LRP1: variants seen among roughly 807,000 people sequenced by gnomAD.
LRP1 encodes the protein LDL receptor related protein 1.
In LRP1, 51 loss-of-function variants were observed where a neutral mutation model predicts 541.5. That is an observed-to-expected ratio of 0.09 (90% CI 0.08 to 0.12). The LOEUF (loss-of-function observed/expected upper bound fraction) is 0.12. Ranked by LOEUF, LRP1 falls within the 10% of genes least tolerant of loss-of-function variation. The pLI, the probability that LRP1 is intolerant of heterozygous loss-of-function variation, is 1.00. For synonymous variants in LRP1, 2,219 were observed against 2,470.8 expected, an observed-to-expected ratio of 0.90 and a Z score of 3.02; for missense variants, 3,878 against 6,376.2, an observed-to-expected ratio of 0.61 and a Z score of 13.34.
intron 41 of LRP1, among the ~76,000 whole-genome samples, chr12:57,187,064 ATT>A (rs1300760693): frequency 6.6e-6 from 1 of 152,134 alleles, no homozygotes; most frequent in Non-Finnish European, 1.5e-5. Flanking sequence ...ACCACAGGTC[ATT>A]TGAGTGAGGA....
At chr12:57,164,148 C>T (rs532227674) in intron 15 of LRP1, among the ~76,000 whole-genome samples, 3 of 152,206 alleles carry the variant, frequency 2.0e-5, no homozygotes, top group Admixed American at 6.5e-5. Context: ...TCCAGCCTGG[C>T]GACAGAGCAA....
rs754487074 is a variant in LRP1, at chr12:57,200,505, G to A, written c.10078G>A (p.Gly3360Arg). 1.2e-5 allele frequency: 19 copies of A among 1,613,560 alleles called. No homozygotes were observed. The highest frequency in any genetic ancestry group is 1.6e-4 in the Middle Eastern group (1 of 6,080). Residue 3360 changes from glycine (G) to arginine (R), a missense_variant, in exon 63 of 89, where the codon GGG (glycine) becomes AGG (arginine). Physicochemically the swap from Gly to Arg is moderately radical, Grantham distance 125. Around this residue, in one of 13 missense-constraint regions of LRP1, gnomAD observed 278 missense variants for 536.3 expected, o/e 0.52. Coordinates refer to ENST00000243077, the MANE Select transcript of LRP1 (RefSeq NM_002332.3). ...WWKCDTEDDC[G>R]DHSDEPPDCP... ...GAAGTGTGACACCGAGGACGACTGC[G>A]GGGACCACTCAGACGAGCCCCCGGA...
Position 57,184,591 on chromosome 12 carries a change from T to G in LRP1, c.6186+139T>G. 7.8e-7 allele frequency: 1 copy of G among 1,286,796 alleles called. No homozygotes were observed. The highest frequency in any genetic ancestry group is 1.1e-6 in the Non-Finnish European group (1 of 940,882). 79.7% of individuals were successfully genotyped at this position (1,286,796 alleles called of 1,614,324 possible). On this transcript the variant is annotated intron_variant, in intron 38 of 88. Transcript: ENST00000243077. This position sits in a 1 kb window ranked among gnomAD's most constrained non-coding sequence, Gnocchi z 7.8. ...TCCCAGCCCAGCCCTCCACCCAGAGTAGGACTCCTGCTACCACAGAGATGA... is the reference window on the plus strand; with the variant it reads ...TCCCAGCCCAGCCCTCCACCCAGAGGAGGACTCCTGCTACCACAGAGATGA...
chr12:57,169,941 A>G (rs2035913644), intron 20 of LRP1, among the ~76,000 whole-genome samples: 2 of 152,230 alleles, frequency 1.3e-5, no homozygotes, highest in Admixed American at 1.3e-4. Flanking sequence ...GAAAACTACC[A>G]AATTTTTAAC....
intron 6 of LRP1, chr12:57,149,582 T>G (rs2035485820): frequency 1.4e-6 from 1 of 699,470 alleles, no homozygotes; most frequent in African/African-American, 1.7e-5. Flanking sequence ...CTGAGTGGAA[T>G]CCAGGCATCA....
intron 50 of LRP1, 109 bp from the exon 51 acceptor site, chr12:57,194,876 C>A: frequency 8.5e-7 from 1 of 1,176,194 alleles, no homozygotes. Context: ...CTGAGCCCCC[C>A]CACAGAGGGG....
At chr12:57,193,127 TG>T in intron 45 of LRP1, 48 bp from the exon 46 acceptor site, 1 of 1,605,944 alleles carries the variant, frequency 6.2e-7, no homozygotes, top group Non-Finnish European at 8.5e-7. Context: ...GCGTGGGCAC[TG>T]GGGCCCACAG....
chr12:57,173,367 G>T lies in LRP1; in HGVS notation c.3346+17G>T, dbSNP rs769545408. On this transcript the variant is annotated intron_variant, in intron 21 of 88. Coordinates refer to ENST00000243077, the MANE Select transcript of LRP1 (RefSeq NM_002332.3). This position sits in a 1 kb window ranked among gnomAD's most constrained non-coding sequence, Gnocchi z 4.7. ...AGGACTCAGGTGAAGAGGATGGTTG[G>T]AGGGCGTCTGGAACAGCACAATGTG... The T allele has an allele frequency of 6.2e-7, 1 of 1,609,598 alleles. No homozygotes were observed. Among genetic ancestry groups the T allele is most frequent in the East Asian group, 2.2e-5 (1 of 44,806 alleles).
In LRP1 at chr12:57,156,708, C is replaced by T; in HGVS notation, c.1418-69C>T. 1 of 1,503,138 alleles carries T rather than the reference C, an allele frequency of 6.7e-7. No individual in the cohort carries two copies. Among genetic ancestry groups the T allele is most frequent in the Non-Finnish European group, 9.0e-7 (1 of 1,110,558 alleles). The allele number at this position is 1,503,138 out of a possible 1,614,324, so 93.1% of individuals were successfully genotyped here. The stretch of plus-strand genomic sequence containing the variant: ...CAGCAGCAGGGGGTGTGGTCAGATT[C>T]AGGAAGCCTTCTCAAGGCCTGGCAC... On this transcript the variant is annotated intron_variant, in intron 9 of 88. Transcript: ENST00000243077. This position sits in a 1 kb window ranked among gnomAD's most constrained non-coding sequence, Gnocchi z 5.2.
intron 17 of LRP1, 26 bp downstream of exon 17, chr12:57,166,235 G>C (rs372189527): frequency 6.3e-7 from 1 of 1,576,146 alleles, no homozygotes; most frequent in Non-Finnish European, 8.6e-7. Context: ...CAGATCACAC[G>C]AGGCACCCCT....
intron 1 of LRP1, among the ~76,000 whole-genome samples, chr12:57,134,513 G>C (rs181842801): frequency 2.4e-4 from 37 of 152,226 alleles, no homozygotes; most frequent in African/African-American, 8.7e-4. Context: ...ATGCAATGGC[G>C]TGATCTCTGC....
At chr12:57,135,383 G>A (rs1592598786) in intron 1 of LRP1, among the ~76,000 whole-genome samples, 1 of 152,186 alleles carries the variant, frequency 6.6e-6, no homozygotes, top group Non-Finnish European at 1.5e-5. Flanking sequence ...AGGGGAGTGG[G>A]GTTGGCTTTC....
rs55951340 is a variant in LRP1 at position 57,138,669 on chromosome 12, C to T, written c.190+88C>T. 3.3e-3 allele frequency: 5,059 copies of T among 1,547,110 alleles called. 13 individuals carry two copies. Among genetic ancestry groups the T allele is most frequent in the Middle Eastern group, 5.0e-3 (27 of 5,390 alleles). On this transcript the variant is annotated intron_variant, in intron 2 of 88. Transcript: ENST00000243077. The stretch of plus-strand genomic sequence containing the variant: ...TGTTTGGGAGGAGGACAGCTGATCC[C>T]TAGCCTGATGTGGACCTTGCTCAGT...
rs2036450889 is a variant in LRP1 at position 57,193,068 on chromosome 12, C to G, written c.7555+98C>G. On this transcript the variant is annotated intron_variant, in intron 45 of 88. Coordinates refer to ENST00000243077, the MANE Select transcript of LRP1 (RefSeq NM_002332.3). ...ATGCTCCAGCCCAGCCCCCCAAAGC[C>G]TTTTGCCAAGAAGACGCTGATGATG... 63 of 1,587,222 alleles carry G rather than the reference C, an allele frequency of 4.0e-5. No homozygotes were observed. In the South Asian group the frequency reaches 7.1e-4, roughly 18 times the overall value.
rs758323310 is a variant in LRP1, at chr12:57,211,447, T to C, written c.13092-40T>C. 2.5e-6 allele frequency: 4 copies of C among 1,610,398 alleles called. No homozygotes were observed. The Admixed American group carries it at 6.7e-5, about 27-fold the overall frequency. ...CCTTCCTCAGCATCCCAGGCACGCCTCTGCCAGCCCCAGCCCCAGCCTCTG... is the reference window on the plus strand; with the variant it reads ...CCTTCCTCAGCATCCCAGGCACGCCCCTGCCAGCCCCAGCCCCAGCCTCTG... On this transcript the variant is annotated intron_variant, in intron 84 of 88. Coordinates refer to ENST00000243077, the MANE Select transcript of LRP1 (RefSeq NM_002332.3). This position sits in a 1 kb window ranked among gnomAD's most constrained non-coding sequence, Gnocchi z 4.3.
rs2036792865 is a variant in LRP1 at position 57,206,951 on chromosome 12, C to T, written c.11859+210C>T. 6.6e-6 allele frequency among the ~76,000 whole-genome samples: 1 copy of T among 152,122 alleles called. No individual in the cohort carries two copies. Among genetic ancestry groups the T allele is most frequent in the Non-Finnish European group, 1.5e-5 (1 of 68,024 alleles). ...TGAAACCCTGTCTCTACTAAAAATA[C>T]AAAAATTTGGCTGAGCGCGGTGGCT... On this transcript the variant is annotated intron_variant, in intron 76 of 88. Transcript: ENST00000243077. The surrounding 1 kb of genome is among the most constrained non-coding windows in gnomAD (Gnocchi z 4.7).
intron 1 of LRP1, among the ~76,000 whole-genome samples, chr12:57,132,629 G>C (rs1446590822): frequency 6.6e-6 from 1 of 151,920 alleles, no homozygotes; most frequent in Non-Finnish European, 1.5e-5. Context: ...CTGTCTTTCT[G>C]TCTGTCTGTC....
At chr12:57,176,732 C>T (rs2036054657) in intron 24 of LRP1, among the ~76,000 whole-genome samples, 1 of 152,138 alleles carries the variant, frequency 6.6e-6, no homozygotes, top group South Asian at 2.1e-4. Flanking sequence ...GTCTCTAAAA[C>T]AATGAGGCAC....
In LRP1 at chr12:57,209,934, G is replaced by A. The variant is rs757032850; in HGVS notation, c.12439+66G>A. On this transcript the variant is annotated intron_variant, in intron 80 of 88. Coordinates refer to ENST00000243077, the MANE Select transcript of LRP1 (RefSeq NM_002332.3). ...GTGGGCATTGAGTCTCCAAGCTGTG[G>A]CCCTGGGACCTGGTGGAGAGGGGGT... The A allele has an allele frequency of 5.6e-6, 9 of 1,596,214 alleles. No individual in the cohort carries two copies. In the African/African-American group the frequency reaches 8.0e-5, roughly 14 times the overall value.
Sources: allele counts gnomAD v4.1 joint callset (sites outside exome capture counted in the v4.1 genomes callset), GRCh38; gene constraint gnomAD v4.1.1; regional missense constraint gnomAD v4.1.1; non-coding constraint Gnocchi (gnomAD v3.1); transcripts MANE v1.5; gene names NCBI Gene and HGNC (gene_info 2026-07-23, HGNC 2026-07-21).